ZNF670: variants seen among roughly 807,000 people sequenced by gnomAD.
ZNF670 encodes the protein zinc finger protein 670.
ZNF670 carries 7 observed loss-of-function variants against 10.9 expected under a neutral mutation model. The ratio of observed to expected loss-of-function variants is 0.64; its 90% CI spans 0.36 to 1.20. The LOEUF (loss-of-function observed/expected upper bound fraction) is 1.20, where lower values mean the gene tolerates loss of function less well. Among genes scored for constraint, ZNF670 ranks in the 50% most tolerant of loss-of-function variants. The pLI is 0.02. For synonymous variants in ZNF670, 136 were observed against 152.7 expected, an observed-to-expected ratio of 0.89 and a Z score of 0.81; for missense variants, 446 against 458.6, an observed-to-expected ratio of 0.97 and a Z score of 0.25.
At chr1:247,061,774 G>A (rs117490888) in intron 1 of ZNF670, among the ~76,000 whole-genome samples, 1 of 152,154 alleles carries the variant, frequency 6.6e-6, no homozygotes, top group African/African-American at 2.4e-5. Flanking sequence ...AGATATTGTA[G>A]AGAACACTGT....
Position 247,068,319 on chromosome 1 carries a change from C to CAA in ZNF670, c.3+10273_3+10274dup, listed in dbSNP as rs74163724. Reference sequence around the variant, plus strand: ...AGGTGACAGAGTAAGATTCTGTCTCCAAAAAAAAAAAAAAAAAAGATGGGC... The same window carrying CAA: ...AGGTGACAGAGTAAGATTCTGTCTCCAAAAAAAAAAAAAAAAAAAAGATGGGC... On this transcript the variant is annotated intron_variant, in intron 1 of 3. Transcript: ENST00000366503. 1.8e-3 allele frequency among the ~76,000 whole-genome samples: 99 copies of CAA among 55,268 alleles called. 7 individuals carry two copies. Among genetic ancestry groups the CAA allele is most frequent in the African/African-American group, 8.8e-3 (86 of 9,724 alleles). 36.3% of individuals were successfully genotyped at this position (55,268 alleles called of 152,430 possible).
intron 1 of ZNF670, chr1:247,042,709 G>C: frequency 2.9e-6 from 1 of 344,638 alleles, no homozygotes; most frequent in Non-Finnish European, 5.3e-6. Flanking sequence ...GAAAAAAATG[G>C]AGACAGACAC....
chr1:247,044,990 T>G (rs1441302887), intron 1 of ZNF670, among the ~76,000 whole-genome samples: 2 of 147,552 alleles, frequency 1.4e-5, no homozygotes, highest in East Asian at 3.9e-4. Flanking sequence ...ACATTCACAA[T>G]AAAAGGCAAA....
chr1:247,042,091 T>C (rs1670323733), intron 1 of ZNF670, among the ~76,000 whole-genome samples: 1 of 152,222 alleles, frequency 6.6e-6, no homozygotes, highest in African/African-American at 2.4e-5. Context: ...GTTTTACTCA[T>C]TCTTACTGTA....
chr1:247,037,525 T>C lies in ZNF670; in HGVS notation c.1094A>G (p.Tyr365Cys), dbSNP rs1363934786. The change falls in exon 4 of 4, where the codon TAT (tyrosine) becomes TGT (cysteine). Residue 365 changes from tyrosine to cysteine, a missense_variant. Physicochemically the swap from Tyr to Cys is radical, Grantham distance 194 (BLOSUM62 -2). Coordinates refer to ENST00000366503, the MANE Select transcript of ZNF670 (RefSeq NM_033213.5). ...GGCTTTACCACATTTCTTACATTCA[T>C]AGGGTTTTTCTCCAGTATGAGTCCT... is the stretch of plus-strand genomic sequence containing the variant. ...HERTHTGEKP[Y>C]ECKKCGKAFS... 12 of 1,614,024 alleles carry C rather than the reference T, an allele frequency of 7.4e-6. No homozygotes were observed. The highest frequency in any genetic ancestry group is 2.7e-5 in the African/African-American group (2 of 74,942).
At chr1:247,068,844 A>AAC (rs1338303320) in intron 1 of ZNF670, among the ~76,000 whole-genome samples, 3 of 150,244 alleles carry the variant, frequency 2.0e-5, no homozygotes, top group Non-Finnish European at 4.4e-5. Flanking sequence ...AAAAAAAAAA[A>AAC]AAAAAGAATG....
At chr1:247,077,980 C>T (rs909115245) in intron 1 of ZNF670, among the ~76,000 whole-genome samples, 10 of 152,142 alleles carry the variant, frequency 6.6e-5, no homozygotes, top group Admixed American at 3.3e-4. Context: ...AACAAAACAG[C>T]CTTAAACAAC....
At chr1:247,047,067 C>T (rs941499633) in intron 1 of ZNF670, among the ~76,000 whole-genome samples, 2 of 152,218 alleles carry the variant, frequency 1.3e-5, no homozygotes, top group African/African-American at 4.8e-5. Context: ...AGCTCCACCC[C>T]TATGGCTTTG....
At position 247,038,754 on chromosome 1, in the gene ZNF670, T is replaced by C. The variant is rs187112320; in HGVS notation, c.191+56A>G. On this transcript the variant is annotated intron_variant, in intron 3 of 3. Coordinates refer to ENST00000366503, the MANE Select transcript of ZNF670 (RefSeq NM_033213.5). ...AGTTGTTTTGTCTGTTTTAAAAACTTATGACATGCTAAGATTCCCTCAAGG... is the reference window on the plus strand; with the variant it reads ...AGTTGTTTTGTCTGTTTTAAAAACTCATGACATGCTAAGATTCCCTCAAGG... 4.3e-5 allele frequency: 63 copies of C among 1,467,542 alleles called. No homozygotes were observed. The Admixed American group carries it at 1.1e-3, about 25-fold the overall frequency. 90.9% of individuals were successfully genotyped at this position (1,467,542 alleles called of 1,614,324 possible). A position where few individuals can be genotyped will look rare whatever the true frequency, so the allele number is the denominator to read the frequency against.
intron 1 of ZNF670, among the ~76,000 whole-genome samples, chr1:247,063,144 A>G (rs1412550951): frequency 1.3e-5 from 2 of 152,228 alleles, no homozygotes; most frequent in African/African-American, 4.8e-5. Flanking sequence ...AACAAATCAA[A>G]TGTTTTAAAA....
chr1:247,048,132 T>G (rs1299181061), intron 1 of ZNF670, among the ~76,000 whole-genome samples: 2 of 152,214 alleles, frequency 1.3e-5, no homozygotes, highest in Non-Finnish European at 2.9e-5. Context: ...CTTTTAAACA[T>G]AAGTTTCAAT....
At chr1:247,041,936 A>G (rs1430087010) in intron 1 of ZNF670, among the ~76,000 whole-genome samples, 2 of 152,224 alleles carry the variant, frequency 1.3e-5, no homozygotes, top group Admixed American at 1.3e-4. Flanking sequence ...AAAAGTAGCC[A>G]AACAATCACA....
chr1:247,042,363 G>C (rs1337284079), intron 1 of ZNF670, among the ~76,000 whole-genome samples: 1 of 152,200 alleles, frequency 6.6e-6, no homozygotes, highest in Non-Finnish European at 1.5e-5. Flanking sequence ...TCTGCTAGTG[G>C]TACTAAGTGC....
intron 1 of ZNF670, among the ~76,000 whole-genome samples, chr1:247,047,080 G>A (rs182665348): frequency 6.0e-4 from 92 of 152,138 alleles, no homozygotes; most frequent in African/African-American, 1.9e-3. Context: ...TGGCTTTGCA[G>A]GGTACAGCCC....
chr1:247,069,024 G>T (rs1046639042), intron 1 of ZNF670, among the ~76,000 whole-genome samples: 2 of 150,558 alleles, frequency 1.3e-5, no homozygotes, highest in African/African-American at 5.0e-5. Context: ...GGTTACCAGA[G>T]GTGGGGAAAA....
At chr1:247,059,395 G>C (rs1419122306) in intron 1 of ZNF670, among the ~76,000 whole-genome samples, 2 of 152,080 alleles carry the variant, frequency 1.3e-5, no homozygotes, top group Admixed American at 6.5e-5. Flanking sequence ...GCAGTGAGCT[G>C]AGATCGCGCC....
intron 2 of ZNF670, among the ~76,000 whole-genome samples, 178 bp from the exon 3 acceptor site, chr1:247,039,048 T>TTTTC (rs200505716): frequency 3.7e-5 from 5 of 134,160 alleles, no homozygotes; most frequent in African/African-American, 1.6e-4. Context: ...TTCTTTTCTT[T>TTTTC]TTTCTTTCTT....
Position 247,039,769 on chromosome 1 carries a change from T to C in ZNF670, c.4-232A>G, listed in dbSNP as rs138827622. Among the ~76,000 whole-genome samples, 159 of 152,344 alleles carry C rather than the reference T, an allele frequency of 1.0e-3. No individual in the cohort carries two copies. The highest frequency in any genetic ancestry group is 1.8e-3 in the Non-Finnish European group (124 of 68,036). ...CAGCAGAGTAGGAACACCTGTCTCA[T>C]TGGCAGGTGCAGGGAATAAACTGTG... On this transcript the variant is annotated intron_variant, in intron 1 of 3. Coordinates refer to ENST00000366503, the MANE Select transcript of ZNF670 (RefSeq NM_033213.5).
chr1:247,056,293 T>A (rs1168952876), intron 1 of ZNF670, among the ~76,000 whole-genome samples: 3 of 152,174 alleles, frequency 2.0e-5, no homozygotes, highest in Non-Finnish European at 2.9e-5. Context: ...AAAAAGTCTT[T>A]AAAACATTCA....
Sources: gnomAD v4.1 joint callset for allele counts (sites outside exome capture counted in the v4.1 genomes callset) on GRCh38, gnomAD v4.1.1 for gene constraint, MANE v1.5 for transcripts, NCBI Gene and HGNC (gene_info 2026-07-23, HGNC 2026-07-21) for gene names.